Variants in VKORC1L1 observed in about 807,000 individuals in gnomAD.
VKORC1L1 encodes vitamin K epoxide reductase complex subunit 1-like protein 1.
VKORC1L1 carries 2 observed loss-of-function variants against 18.9 expected under a neutral mutation model. The observed-to-expected ratio is 0.11, with a 90% CI of 0.04 to 0.33. The LOEUF is 0.33. Ranked by LOEUF, VKORC1L1 falls within the 10% of genes least tolerant of loss-of-function variation. The pLI is 1.00. For missense variants in VKORC1L1, 123 were observed against 224.1 expected, an observed-to-expected ratio of 0.55 and a Z score of 2.88; for synonymous variants, 96 against 100.0, an observed-to-expected ratio of 0.96 and a Z score of 0.24.
In VKORC1L1 at chr7:65,873,362, C is replaced by G; in HGVS notation, c.-10C>G. 1 of 1,471,514 alleles carries G rather than the reference C, an allele frequency of 6.8e-7. No homozygotes were observed. Among genetic ancestry groups the G allele is most frequent in the Non-Finnish European group, 9.0e-7 (1 of 1,111,598 alleles). 91.2% of individuals were successfully genotyped at this position (1,471,514 alleles called of 1,614,324 possible). On this transcript the variant is annotated 5_prime_UTR_variant, in exon 1 of 3. Transcript: ENST00000360768. ...AGGCGGAGGGAGGCGGCGGCGGCGGCGGCGGGAAGATGGCGGCTCCCGTCC... is the reference window on the plus strand; with the variant it reads ...AGGCGGAGGGAGGCGGCGGCGGCGGGGGCGGGAAGATGGCGGCTCCCGTCC...
At chr7:65,938,495 G>A (rs774652658) in intron 1 of VKORC1L1, among the ~76,000 whole-genome samples, 1 of 152,174 alleles carries the variant, frequency 6.6e-6, no homozygotes, top group Non-Finnish European at 1.5e-5. Flanking sequence ...CATTGAAAGA[G>A]CCCTTCACAG....
intron 1 of VKORC1L1, among the ~76,000 whole-genome samples, chr7:65,884,846 AT>A (rs1162708552): frequency 1.3e-5 from 2 of 152,170 alleles, no homozygotes; most frequent in African/African-American, 4.8e-5. Flanking sequence ...CATTTAAAAA[AT>A]TTATTTTTTA....
intron 1 of VKORC1L1, among the ~76,000 whole-genome samples, chr7:65,898,077 GTTTTT>G (rs71051319): frequency 8.4e-5 from 7 of 83,000 alleles, no homozygotes; most frequent in African/African-American, 3.1e-4. Context: ...TTTGTAGCAG[GTTTTT>G]TTTTTTTTTT....
At chr7:65,925,579 G>C (rs1228028072) in intron 1 of VKORC1L1, among the ~76,000 whole-genome samples, 1 of 152,164 alleles carries the variant, frequency 6.6e-6, no homozygotes, top group Non-Finnish European at 1.5e-5. Flanking sequence ...CTTGAGGGTA[G>C]GGGCTGTCAT....
At chr7:65,934,244 C>T (rs945866527) in intron 1 of VKORC1L1, among the ~76,000 whole-genome samples, 1 of 151,972 alleles carries the variant, frequency 6.6e-6, no homozygotes, top group Non-Finnish European at 1.5e-5. Context: ...AAAAAAAAAT[C>T]ATTTTATTGT....
intron 1 of VKORC1L1, among the ~76,000 whole-genome samples, chr7:65,914,559 A>C (rs919990407): frequency 6.6e-6 from 1 of 152,202 alleles, no homozygotes; most frequent in Non-Finnish European, 1.5e-5. Context: ...GCAATTACTC[A>C]TTCTCTCACA....
upstream of VKORC1L1, among the ~76,000 whole-genome samples, chr7:65,870,838 T>C (rs528359230): frequency 7.8e-4 from 119 of 152,298 alleles, no homozygotes; most frequent in Non-Finnish European, 1.4e-3. Flanking sequence ...TGGAGTGCAG[T>C]GGGGCAACGT....
chr7:65,940,710 G>T (rs1012945894), intron 1 of VKORC1L1, among the ~76,000 whole-genome samples: 7 of 152,086 alleles, frequency 4.6e-5, no homozygotes, highest in African/African-American at 1.7e-4. Context: ...GCTCAGAAGG[G>T]GTTCAGAAGA....
chr7:65,882,901 G>A (rs986312868), intron 1 of VKORC1L1, among the ~76,000 whole-genome samples: 1 of 152,068 alleles, frequency 6.6e-6, no homozygotes, highest in African/African-American at 2.4e-5. Flanking sequence ...CTTCTGGACA[G>A]GTGTAATTAA....
At chr7:65,938,498 C>T (rs1789983529) in intron 1 of VKORC1L1, among the ~76,000 whole-genome samples, 2 of 152,134 alleles carry the variant, frequency 1.3e-5, no homozygotes, top group African/African-American at 4.8e-5. Context: ...TGAAAGAGCC[C>T]TTCACAGTGA....
intron 1 of VKORC1L1, among the ~76,000 whole-genome samples, chr7:65,915,518 C>G (rs1224288495): frequency 1.3e-5 from 2 of 151,478 alleles, no homozygotes; most frequent in African/African-American, 2.4e-5. Flanking sequence ...TCAAGTGATT[C>G]TCCTGCCTCA....
chr7:65,888,697 CA>C (rs1269396476), intron 1 of VKORC1L1, among the ~76,000 whole-genome samples: 2 of 152,146 alleles, frequency 1.3e-5, no homozygotes, highest in Non-Finnish European at 2.9e-5. Flanking sequence ...AAGAAGCAGA[CA>C]AGTGAGCTTG....
intron 1 of VKORC1L1, among the ~76,000 whole-genome samples, chr7:65,876,111 A>G (rs1303742137): frequency 1.3e-5 from 2 of 152,210 alleles, no homozygotes; most frequent in Non-Finnish European, 2.9e-5. Context: ...TTAGTAGGCT[A>G]CAATAGAAAT....
intron 1 of VKORC1L1, among the ~76,000 whole-genome samples, chr7:65,895,673 A>AT (rs1789197441): frequency 6.6e-6 from 1 of 151,238 alleles, no homozygotes; most frequent in African/African-American, 2.4e-5. Flanking sequence ...TGAGGGAGGT[A>AT]TTAGTGCTGT....
chr7:65,896,642 T>C (rs759057940), intron 1 of VKORC1L1, among the ~76,000 whole-genome samples: 7 of 150,064 alleles, frequency 4.7e-5, no homozygotes, highest in Non-Finnish European at 8.9e-5. Flanking sequence ...CTGCCTCTCT[T>C]ATGATTCTTC....
chr7:65,908,046 C>T (rs1789435044), intron 1 of VKORC1L1, among the ~76,000 whole-genome samples: 1 of 152,222 alleles, frequency 6.6e-6, no homozygotes, highest in Non-Finnish European at 1.5e-5. Context: ...CACAACTGCT[C>T]TGCTCATGAA....
intron 1 of VKORC1L1, among the ~76,000 whole-genome samples, chr7:65,923,086 T>C (rs941858001): frequency 2.0e-5 from 3 of 152,126 alleles, no homozygotes; most frequent in Non-Finnish European, 4.4e-5. Context: ...AAGGACATAA[T>C]TGATGTGCTT....
At chr7:65,912,906 A>C (rs1485061408) in intron 1 of VKORC1L1, among the ~76,000 whole-genome samples, 1 of 152,196 alleles carries the variant, frequency 6.6e-6, no homozygotes, top group East Asian at 1.9e-4. Flanking sequence ...CCATTTCTGT[A>C]TGTATTTCAT....
intron 1 of VKORC1L1, among the ~76,000 whole-genome samples, chr7:65,880,157 T>A (rs1229982630): frequency 1.3e-5 from 2 of 152,184 alleles, no homozygotes; most frequent in African/African-American, 2.4e-5. Context: ...CCCAGCCTTT[T>A]ACCACTACTT....
Sources: gnomAD v4.1 joint callset for allele counts (sites outside exome capture counted in the v4.1 genomes callset) on GRCh38, gnomAD v4.1.1 for gene constraint, MANE v1.5 for transcripts, NCBI Gene and HGNC (gene_info 2026-07-23, HGNC 2026-07-21) for gene names.